Variants in CDH2 observed in about 807,000 individuals in gnomAD.
The protein encoded by CDH2 is cadherin-2.
A neutral mutation model predicts 92.0 loss-of-function variants in CDH2; 17 were observed. That is an observed-to-expected ratio of 0.18 (90% CI 0.13 to 0.28). CDH2 has a LOEUF of 0.28. CDH2 is among the 10% of genes least tolerant of loss of function. The pLI, the probability that CDH2 is intolerant of heterozygous loss-of-function variation, is 1.00. For synonymous variants in CDH2, 419 were observed against 415.9 expected, an observed-to-expected ratio of 1.01 and a Z score of -0.09; for missense variants, 862 against 1,133.1, an observed-to-expected ratio of 0.76 and a Z score of 3.44.
At chr18:28,146,462 T>C (rs956638615) in intron 2 of CDH2, 2 of 152,048 alleles carry the variant, frequency 1.3e-5, no homozygotes, top group African/African-American at 4.8e-5. Flanking sequence ...AGATAGCAAT[T>C]CAGTGTTGAG....
chr18:27,944,662 T>C (rs1489103904), intron 6 of CDH2, among the ~76,000 whole-genome samples: 8 of 150,422 alleles, frequency 5.3e-5, no homozygotes, highest in Non-Finnish European at 1.0e-4. Context: ...TCATGTTGCA[T>C]GTAATCCCAG....
intron 1 of CDH2, among the ~76,000 whole-genome samples, chr18:28,162,110 T>C (rs2016315048): frequency 6.6e-6 from 1 of 152,180 alleles, no homozygotes; most frequent in Non-Finnish European, 1.5e-5. Context: ...TGTCCAGAAC[T>C]GAAATAGATA....
Position 28,009,759 on chromosome 18 carries a change from C to G in CDH2, c.660G>C (p.Ser220=), listed in dbSNP as rs199946923. ...FIINPISGQL[S]VTKPLDREQI... ...GCTCGCGATCCAGGGGCTTTGTCAC[C>G]GACAGCTGACCCGAGATGGGGTTGA... Residue 220 remains serine (S), a synonymous_variant, in exon 5 of 16, where the codon TCG becomes TCC. Coordinates refer to ENST00000269141, the MANE Select transcript of CDH2 (RefSeq NM_001792.5). 6.2e-7 allele frequency: 1 copy of G among 1,613,856 alleles called. No individual in the cohort carries two copies.
chr18:28,050,459 T>TA (rs45536537), intron 2 of CDH2, among the ~76,000 whole-genome samples: 5,168 of 152,078 alleles, frequency 0.034, 144 homozygotes, highest in Middle Eastern at 0.078. Context: ...ATTTCATTCT[T>TA]AAAAAAAATT....
At chr18:28,135,457 TG>T (rs1421487463) in intron 2 of CDH2, among the ~76,000 whole-genome samples, 1 of 152,166 alleles carries the variant, frequency 6.6e-6, no homozygotes, top group Non-Finnish European at 1.5e-5. Context: ...ACTTGGACAA[TG>T]GGGTACCAAT....
At chr18:28,055,466 C>G (rs2014273316) in intron 2 of CDH2, among the ~76,000 whole-genome samples, 1 of 152,052 alleles carries the variant, frequency 6.6e-6, no homozygotes, top group Non-Finnish European at 1.5e-5. Context: ...GGCAATGAAA[C>G]AGGTAATTGA....
At chr18:28,008,083 C>T (rs544585811) in intron 5 of CDH2, among the ~76,000 whole-genome samples, 1 of 152,062 alleles carries the variant, frequency 6.6e-6, no homozygotes, top group East Asian at 1.9e-4. Flanking sequence ...AATAATTTAC[C>T]CCAAAATTGA....
At chr18:27,981,308 A>G (rs1339995588) in intron 14 of CDH2, among the ~76,000 whole-genome samples, 1 of 152,248 alleles carries the variant, frequency 6.6e-6, no homozygotes, top group Non-Finnish European at 1.5e-5. Context: ...AAAATAGCCT[A>G]GGAAAGTGAA....
intron 2 of CDH2, among the ~76,000 whole-genome samples, chr18:28,120,816 A>G (rs1401031282): frequency 6.6e-6 from 1 of 152,158 alleles, no homozygotes; most frequent in Non-Finnish European, 1.5e-5. Flanking sequence ...AGACACAGAT[A>G]TCACCCACAC....
At chr18:28,147,641 T>C in intron 2 of CDH2, 32 bp downstream of exon 2, 1 of 1,315,856 alleles carries the variant, frequency 7.6e-7, no homozygotes, top group African/African-American at 1.5e-5. Context: ...GCATGGACAC[T>C]GCATGTACAA....
chr18:28,075,519 G>A lies in CDH2; in HGVS notation c.173-61610C>T, dbSNP rs116328708. Among the ~76,000 whole-genome samples, 1,465 of 152,292 alleles carry A rather than the reference G, an allele frequency of 9.6e-3. 33 individuals are homozygous for A. Among genetic ancestry groups the A allele is most frequent in the African/African-American group, 0.034 (1,402 of 41,574 alleles). ...GGGAACTGACATGTTGCTGGGCAAT[G>A]GGCAATGATCTAGATATTGTCAGCA... is the stretch of plus-strand genomic sequence containing the variant. On this transcript the variant is annotated intron_variant, in intron 2 of 15. Transcript: ENST00000269141.
chr18:27,985,499 A>T, intron 12 of CDH2, 29 bp downstream of exon 12: 1 of 1,430,652 alleles, frequency 7.0e-7, no homozygotes, highest in Non-Finnish European at 9.8e-7. Context: ...TCAACTGCAC[A>T]TATATTCAAA....
At chr18:28,055,569 T>A (rs940867537) in intron 2 of CDH2, among the ~76,000 whole-genome samples, 1 of 152,226 alleles carries the variant, frequency 6.6e-6, no homozygotes, top group African/African-American at 2.4e-5. Flanking sequence ...TCTGTCTGTA[T>A]GGCTGTGTAT....
chr18:28,056,462 C>A (rs1201064134), intron 2 of CDH2, among the ~76,000 whole-genome samples: 4 of 152,084 alleles, frequency 2.6e-5, no homozygotes, highest in African/African-American at 4.8e-5. Flanking sequence ...AATCCTTGCG[C>A]TTCATTTTGT....
At chr18:28,077,596 A>G (rs1049438479) in intron 2 of CDH2, among the ~76,000 whole-genome samples, 1 of 152,140 alleles carries the variant, frequency 6.6e-6, no homozygotes, top group Non-Finnish European at 1.5e-5. Flanking sequence ...CCCAAAGAAA[A>G]AGAAATAGTG....
chr18:27,985,177 C>A lies in CDH2; in HGVS notation c.2032G>T (p.Val678Phe), dbSNP rs1240227564. The change falls in exon 13 of 16, where the codon GTT becomes TTT. Residue 678 changes from valine (V) to phenylalanine (F), a missense_variant. By Grantham distance (50) the Val-to-Phe change is conservative. Coordinates refer to ENST00000269141, the MANE Select transcript of CDH2 (RefSeq NM_001792.5). ...CCCGAATCTGTGATTATGATGGGAA[C>A]TTCATAGATACCAGCTTCAAGAAAT... ...IKFLEAGIYE[V>F]PIIITDSGNP... 10 of 1,613,516 alleles carry A rather than the reference C, an allele frequency of 6.2e-6. No individual in the cohort carries two copies. The South Asian group carries it at 7.7e-5, about 12-fold the overall frequency.
At chr18:28,136,274 ATGTC>A (rs377564640) in intron 2 of CDH2, among the ~76,000 whole-genome samples, 2 of 152,314 alleles carry the variant, frequency 1.3e-5, no homozygotes, top group South Asian at 4.1e-4. Context: ...TTTGCCAAAA[ATGTC>A]TGTGGTCAGA....
intron 1 of CDH2, among the ~76,000 whole-genome samples, chr18:28,165,178 T>A (rs2016360046): frequency 6.6e-6 from 1 of 151,774 alleles, no homozygotes; most frequent in Non-Finnish European, 1.5e-5. Context: ...GCACTTCTCT[T>A]TCTATTATTA....
intron 14 of CDH2, 134 bp downstream of exon 14, chr18:27,982,810 A>G: frequency 2.0e-6 from 1 of 503,448 alleles, no homozygotes; most frequent in Non-Finnish European, 3.3e-6. Flanking sequence ...CAACACACAT[A>G]GGAAACAATT....
Sources: allele counts gnomAD v4.1 joint callset (sites outside exome capture counted in the v4.1 genomes callset), GRCh38; gene constraint gnomAD v4.1.1; transcripts MANE v1.5; gene names NCBI Gene and HGNC (gene_info 2026-07-23, HGNC 2026-07-21).